AEBP2: variants seen among roughly 807,000 people sequenced by gnomAD.
AEBP2 encodes the protein zinc finger protein AEBP2.
A neutral mutation model predicts 50.8 loss-of-function variants in AEBP2; 10 were observed. That is an observed-to-expected ratio of 0.20 (90% CI 0.12 to 0.33). The LOEUF is 0.33. AEBP2 is among the 10% of genes least tolerant of loss of function. The pLI, the probability that AEBP2 is intolerant of heterozygous loss-of-function variation, is 1.00. For missense variants in AEBP2, 570 were observed against 688.0 expected, an observed-to-expected ratio of 0.83 and a Z score of 1.92; for synonymous variants, 296 against 261.3, an observed-to-expected ratio of 1.13 and a Z score of -1.28.
chr12:19,427,846 G>A (rs575382674), intron 1 of AEBP2, among the ~76,000 whole-genome samples: 10 of 152,094 alleles, frequency 6.6e-5, no homozygotes, highest in South Asian at 2.1e-4. Context: ...CAGAGCCTCC[G>A]TTTTCTGGGA....
At chr12:19,440,576 C>G (rs1260421749) in intron 1 of AEBP2, 37 of 1,438,882 alleles carry the variant, frequency 2.6e-5, no homozygotes, top group Non-Finnish European at 3.2e-5. Flanking sequence ...AAACCGTTCC[C>G]CCCCAACTCT....
At chr12:19,443,437 G>T (rs12818032) in intron 1 of AEBP2, among the ~76,000 whole-genome samples, 1 of 151,622 alleles carries the variant, frequency 6.6e-6, no homozygotes, top group African/African-American at 2.4e-5. Flanking sequence ...AAGATAATTA[G>T]GCCGGGCATG....
intron 2 of AEBP2, among the ~76,000 whole-genome samples, chr12:19,471,934 G>A (rs1948579636): frequency 6.6e-6 from 1 of 152,032 alleles, no homozygotes; most frequent in African/African-American, 2.4e-5. Flanking sequence ...CATGTTCTAG[G>A]GTTGGGAATT....
chr12:19,509,617 T>TGCCA (rs1949203082), intron 5 of AEBP2, among the ~76,000 whole-genome samples: 3 of 151,960 alleles, frequency 2.0e-5, no homozygotes, highest in South Asian at 4.1e-4. Context: ...GCGTAGTGGC[T>TGCCA]GCGCCTGTGG....
intron 1 of AEBP2, among the ~76,000 whole-genome samples, chr12:19,449,884 G>A (rs956762524): frequency 2.0e-5 from 3 of 152,158 alleles, no homozygotes; most frequent in Non-Finnish European, 4.4e-5. Context: ...GCTCTAACTA[G>A]GTTTGGGAGT....
intron 3 of AEBP2, among the ~76,000 whole-genome samples, chr12:19,493,039 T>C (rs1282693150): frequency 6.6e-6 from 1 of 152,162 alleles, no homozygotes; most frequent in Non-Finnish European, 1.5e-5. Context: ...TTCTCTCACC[T>C]GTTTTAATAG....
chr12:19,515,354 G>C (rs1428227640), intron 7 of AEBP2, among the ~76,000 whole-genome samples: 1 of 152,118 alleles, frequency 6.6e-6, no homozygotes, highest in Non-Finnish European at 1.5e-5. Context: ...ACTTTGCTAG[G>C]TGCTTTGCGT....
intron 1 of AEBP2, among the ~76,000 whole-genome samples, chr12:19,449,673 T>G (rs1408385619): frequency 6.6e-6 from 1 of 152,200 alleles, no homozygotes; most frequent in East Asian, 1.9e-4. Flanking sequence ...ATGATAAAAA[T>G]TCATTTTAGC....
At chr12:19,512,008 T>A (rs775263497) in intron 5 of AEBP2, among the ~76,000 whole-genome samples, 1 of 151,960 alleles carries the variant, frequency 6.6e-6, no homozygotes, top group Non-Finnish European at 1.5e-5. Context: ...GTATGAACAC[T>A]TAAGTTCTTG....
chr12:19,410,969 C>G (rs1380569547), intron 1 of AEBP2, among the ~76,000 whole-genome samples: 1 of 152,102 alleles, frequency 6.6e-6, no homozygotes, highest in Non-Finnish European at 1.5e-5. Context: ...TTTACTTAAA[C>G]TAAACTTAAC....
At chr12:19,440,542 A>G in intron 1 of AEBP2, 172 bp downstream of exon 1, 1 of 1,372,686 alleles carries the variant, frequency 7.3e-7, no homozygotes, top group South Asian at 1.8e-5. Context: ...CCCCTCTCGC[A>G]GCGCATCGCG....
chr12:19,498,644 A>G (rs1347249123), intron 4 of AEBP2, among the ~76,000 whole-genome samples: 2 of 152,170 alleles, frequency 1.3e-5, no homozygotes. Context: ...AGATCTTGAA[A>G]AATTACATGT....
intron 1 of AEBP2, among the ~76,000 whole-genome samples, chr12:19,411,247 T>C (rs1376141345): frequency 6.6e-6 from 1 of 152,218 alleles, no homozygotes; most frequent in South Asian, 2.1e-4. Flanking sequence ...TCATCTATAA[T>C]CCTTGTTCAC....
chr12:19,513,468 T>G (rs1949267169), intron 6 of AEBP2, among the ~76,000 whole-genome samples: 1 of 152,168 alleles, frequency 6.6e-6, no homozygotes, highest in Non-Finnish European at 1.5e-5. Flanking sequence ...TTCACGTATG[T>G]GGCCAATGGC....
At chr12:19,503,949 AG>A (rs1747436882) in intron 5 of AEBP2, among the ~76,000 whole-genome samples, 1 of 151,772 alleles carries the variant, frequency 6.6e-6, no homozygotes, top group Non-Finnish European at 1.5e-5. Flanking sequence ...CTCCCACCTC[AG>A]TCTTCTGAGT....
In AEBP2 at chr12:19,440,221, C is replaced by CAGCAGT; in HGVS notation, c.528_533dup (p.Ser178_Ser179dup). 1 of 1,466,468 alleles carries CAGCAGT rather than the reference C, an allele frequency of 6.8e-7. No homozygotes were observed. The highest frequency in any genetic ancestry group is 8.9e-7 in the Non-Finnish European group (1 of 1,122,230). 90.8% of individuals were successfully genotyped at this position (1,466,468 alleles called of 1,614,324 possible). On this transcript the variant is annotated inframe_insertion, in exon 1 of 8. Coordinates refer to ENST00000266508, the MANE Select transcript of AEBP2 (RefSeq NM_153207.5). ...GCAGCCAGGGCGGCGGCGGGGGCGG[C>CAGCAGT]AGCAGTAGCAGCAGCGTAGTCTCCA...
At chr12:19,509,511 T>C (rs147777884) in intron 5 of AEBP2, among the ~76,000 whole-genome samples, 42 of 152,254 alleles carry the variant, frequency 2.8e-4, no homozygotes, top group African/African-American at 9.6e-4. Flanking sequence ...CTTGGGAGGC[T>C]GAGGTAGGCA....
At position 19,518,862 on chromosome 12, in the gene AEBP2, A is replaced by C; in HGVS notation, c.*745A>C. ...GTACAGTATGTTAATATTTACCTAT[A>C]TAACTAATCTGTTAACGGTTTTTGA... On this transcript the variant is annotated 3_prime_UTR_variant, in exon 8 of 8. Transcript: ENST00000266508. 2.0e-6 allele frequency: 1 copy of C among 501,044 alleles called. No individual in the cohort carries two copies. The allele number at this position is 501,044 out of a possible 1,614,324, so 31.0% of individuals were successfully genotyped here.
At chr12:19,481,337 A>T (rs964327164) in intron 3 of AEBP2, among the ~76,000 whole-genome samples, 2 of 151,822 alleles carry the variant, frequency 1.3e-5, no homozygotes, top group Admixed American at 1.3e-4. Flanking sequence ...TGCTGACCTC[A>T]GGTGATCCAC....
Sources: allele counts gnomAD v4.1 joint callset (sites outside exome capture counted in the v4.1 genomes callset), GRCh38; gene constraint gnomAD v4.1.1; transcripts MANE v1.5; gene names NCBI Gene and HGNC (gene_info 2026-07-23, HGNC 2026-07-21).